Variants in ZCCHC7 observed in about 807,000 individuals in gnomAD.
The protein encoded by ZCCHC7 is zinc finger CCHC domain-containing protein 7.
A neutral mutation model predicts 52.0 loss-of-function variants in ZCCHC7; 35 were observed. The observed-to-expected ratio is 0.67, with a 90% CI of 0.51 to 0.89. The LOEUF (loss-of-function observed/expected upper bound fraction) is 0.89, where lower values mean the gene tolerates loss of function less well. ZCCHC7 is among the 40% of genes least tolerant of loss of function. ZCCHC7 has a pLI of 0.00. For missense variants in ZCCHC7, 574 were observed against 649.1 expected (o/e 0.88, Z 1.26); for synonymous variants, 217 against 221.5 (o/e 0.98, Z 0.18).
intron 6 of ZCCHC7, among the ~76,000 whole-genome samples, chr9:37,338,808 T>C (rs1017486041): frequency 1.3e-5 from 2 of 152,160 alleles, no homozygotes; most frequent in African/African-American, 4.8e-5. Flanking sequence ...AGAGAAAATA[T>C]CAAAAGCATA....
At chr9:37,211,650 T>C (rs1020908710) in intron 2 of ZCCHC7, among the ~76,000 whole-genome samples, 30 of 152,142 alleles carry the variant, frequency 2.0e-4, no homozygotes, top group African/African-American at 7.2e-4. Context: ...CATTTTTCAC[T>C]GTAGAATATT....
chr9:37,199,510 T>G (rs558335076), intron 2 of ZCCHC7, among the ~76,000 whole-genome samples: 1 of 151,694 alleles, frequency 6.6e-6, no homozygotes, highest in East Asian at 1.9e-4. Flanking sequence ...TTTTTGTAAT[T>G]TTACTAGACA....
intron 2 of ZCCHC7, among the ~76,000 whole-genome samples, chr9:37,167,557 A>G (rs533556636): frequency 4.6e-5 from 7 of 152,190 alleles, no homozygotes; most frequent in Admixed American, 2.0e-4. Flanking sequence ...TCTCCTTACA[A>G]TGAGTCATAC....
At chr9:37,244,897 C>CA (rs1372772398) in intron 2 of ZCCHC7, among the ~76,000 whole-genome samples, 1 of 151,674 alleles carries the variant, frequency 6.6e-6, no homozygotes, top group East Asian at 1.9e-4. Flanking sequence ...AGAAGCCTAC[C>CA]AAAACATGAT....
chr9:37,344,165 A>G (rs1373018137), intron 6 of ZCCHC7, among the ~76,000 whole-genome samples: 9 of 152,190 alleles, frequency 5.9e-5, no homozygotes, highest in Non-Finnish European at 2.9e-5. Context: ...CCTTAAATTA[A>G]AAGATAAGTT....
intron 2 of ZCCHC7, among the ~76,000 whole-genome samples, chr9:37,201,290 A>G (rs1823618238): frequency 6.6e-6 from 1 of 152,180 alleles, no homozygotes. Context: ...CTTGACTTGA[A>G]GTGAGAAGAA....
At chr9:37,276,039 C>A (rs559545130) in intron 2 of ZCCHC7, among the ~76,000 whole-genome samples, 87 of 152,320 alleles carry the variant, frequency 5.7e-4, no homozygotes, top group African/African-American at 2.0e-3. Context: ...CTTGCGAACA[C>A]ATGATATTGT....
chr9:37,347,487 A>G (rs1319845564), intron 6 of ZCCHC7, among the ~76,000 whole-genome samples: 1 of 152,258 alleles, frequency 6.6e-6, no homozygotes, highest in African/African-American at 2.4e-5. Context: ...ATACATACTG[A>G]AAAGTATGTA....
intron 2 of ZCCHC7, among the ~76,000 whole-genome samples, chr9:37,264,380 T>C (rs985763598): frequency 2.0e-5 from 3 of 152,204 alleles, no homozygotes; most frequent in African/African-American, 4.8e-5. Context: ...CTTAATGGAA[T>C]ACTTGATTTT....
chr9:37,346,678 G>T (rs1458270914), intron 6 of ZCCHC7, among the ~76,000 whole-genome samples: 2 of 151,984 alleles, frequency 1.3e-5, no homozygotes, highest in African/African-American at 4.8e-5. Context: ...CTGTCTCAAA[G>T]AAAAAACAAA....
intron 2 of ZCCHC7, among the ~76,000 whole-genome samples, chr9:37,226,417 CTTAAG>C (rs1395415173): frequency 6.6e-6 from 1 of 152,022 alleles, no homozygotes; most frequent in African/African-American, 2.4e-5. Context: ...TTAAAAAAAA[CTTAAG>C]TTGAATTTTC....
At chr9:37,320,289 G>T (rs1829998909) in intron 5 of ZCCHC7, among the ~76,000 whole-genome samples, 4 of 152,284 alleles carry the variant, frequency 2.6e-5, no homozygotes, top group Admixed American at 2.6e-4. Context: ...TGTTGGCCAG[G>T]CTGGTCTCGA....
At chr9:37,279,979 C>T (rs554043621) in intron 2 of ZCCHC7, among the ~76,000 whole-genome samples, 74 of 151,994 alleles carry the variant, frequency 4.9e-4, no homozygotes, top group African/African-American at 1.8e-3. Context: ...ACAGTGAAAC[C>T]CTGTCTCTAC....
At chr9:37,227,861 G>A (rs1245602618) in intron 2 of ZCCHC7, among the ~76,000 whole-genome samples, 1 of 151,796 alleles carries the variant, frequency 6.6e-6, no homozygotes, top group Non-Finnish European at 1.5e-5. Flanking sequence ...GAGTGCAGTG[G>A]GGCACGACAC....
intron 2 of ZCCHC7, among the ~76,000 whole-genome samples, chr9:37,234,528 A>G (rs1267524235): frequency 1.3e-5 from 2 of 152,210 alleles, no homozygotes; most frequent in East Asian, 3.8e-4. Context: ...CCACCTCCCT[A>G]ATGGGGATGC....
At chr9:37,196,808 TA>T (rs1823312342) in intron 2 of ZCCHC7, among the ~76,000 whole-genome samples, 1 of 152,136 alleles carries the variant, frequency 6.6e-6, no homozygotes, top group Non-Finnish European at 1.5e-5. Flanking sequence ...TGAGGACATT[TA>T]AAAAACCCTC....
chr9:37,155,982 C>T (rs1303906306), intron 2 of ZCCHC7, among the ~76,000 whole-genome samples: 2 of 152,238 alleles, frequency 1.3e-5, no homozygotes, highest in Non-Finnish European at 2.9e-5. Flanking sequence ...TACCATCCAT[C>T]TGTAGCAAAG....
intron 2 of ZCCHC7, among the ~76,000 whole-genome samples, chr9:37,265,416 C>A (rs967833559): frequency 2.0e-5 from 3 of 152,122 alleles, no homozygotes; most frequent in Admixed American, 6.5e-5. Flanking sequence ...AAAGAAAGTT[C>A]GTCATTCCTC....
intron 2 of ZCCHC7, among the ~76,000 whole-genome samples, chr9:37,231,397 ATTAC>A (rs1825398599): frequency 6.6e-6 from 1 of 152,166 alleles, no homozygotes; most frequent in Non-Finnish European, 1.5e-5. Context: ...CAGCTGGCGT[ATTAC>A]TTATTAAATA....
Sources: gnomAD v4.1 joint callset for allele counts (sites outside exome capture counted in the v4.1 genomes callset) on GRCh38, gnomAD v4.1.1 for gene constraint, MANE v1.5 for transcripts, NCBI Gene and HGNC (gene_info 2026-07-23, HGNC 2026-07-21) for gene names.